PHAF1: variants seen among roughly 807,000 people sequenced by gnomAD.
The protein encoded by PHAF1 is phagosome assembly factor 1.
A neutral mutation model predicts 63.1 loss-of-function variants in PHAF1; 23 were observed. That is an observed-to-expected ratio of 0.36 (90% CI 0.26 to 0.52). The LOEUF (loss-of-function observed/expected upper bound fraction) is 0.52. Among genes scored for constraint, PHAF1 ranks in the 20% least tolerant of loss-of-function variants. The probability of loss-of-function intolerance (pLI) is 0.93; values close to 1 mark genes in which losing one functional copy is unlikely to be tolerated. For missense variants in PHAF1, 427 were observed against 517.2 expected, an observed-to-expected ratio of 0.83 and a Z score of 1.69; for synonymous variants, 167 against 185.0, an observed-to-expected ratio of 0.90 and a Z score of 0.79.
chr16:67,143,975 G>A (rs1045962402), intron 10 of PHAF1, among the ~76,000 whole-genome samples: 9 of 152,050 alleles, frequency 5.9e-5, no homozygotes, highest in African/African-American at 1.9e-4. Flanking sequence ...GGTGGTGGGC[G>A]CCTGTAATCC....
At chr16:67,131,184 T>TG (rs1963381264) in intron 3 of PHAF1, 102 bp from the exon 4 acceptor site, 2 of 480,228 alleles carry the variant, frequency 4.2e-6, no homozygotes, top group Non-Finnish European at 6.7e-6. Context: ...GTAATAGTTT[T>TG]TTTTTTTTTT....
intron 3 of PHAF1, among the ~76,000 whole-genome samples, chr16:67,128,797 C>T (rs921919443): frequency 4.6e-5 from 7 of 152,210 alleles, no homozygotes; most frequent in African/African-American, 1.7e-4. Context: ...ACTCTGGGTC[C>T]ATTGCCACAA....
chr16:67,117,900 C>G (rs1174189847), intron 1 of PHAF1, among the ~76,000 whole-genome samples: 1 of 149,934 alleles, frequency 6.7e-6, no homozygotes, highest in Non-Finnish European at 1.5e-5. Flanking sequence ...GCCATCCTTT[C>G]ACCTCAGCCT....
chr16:67,116,294 A>G (rs1009637716), intron 1 of PHAF1, among the ~76,000 whole-genome samples: 1 of 152,226 alleles, frequency 6.6e-6, no homozygotes, highest in Non-Finnish European at 1.5e-5. Flanking sequence ...ATTGCCTTCA[A>G]CTTTCTTCAG....
At chr16:67,126,315 A>G (rs1330123482) in intron 3 of PHAF1, among the ~76,000 whole-genome samples, 2 of 152,112 alleles carry the variant, frequency 1.3e-5, no homozygotes, top group East Asian at 1.9e-4. Context: ...GATTTGGGAA[A>G]CATGCTGTGG....
chr16:67,130,346 C>CTTTT (rs34430310), intron 3 of PHAF1, among the ~76,000 whole-genome samples: 26 of 74,988 alleles, frequency 3.5e-4, no homozygotes, highest in South Asian at 9.0e-4. Flanking sequence ...CGTGCCCGGC[C>CTTTT]TTTTTTTTTT....
At chr16:67,116,721 A>T (rs1341182953) in intron 1 of PHAF1, among the ~76,000 whole-genome samples, 1 of 152,166 alleles carries the variant, frequency 6.6e-6, no homozygotes, top group Admixed American at 6.5e-5. Flanking sequence ...GTGGTGGCAC[A>T]TGCCTGTAGT....
chr16:67,145,309 A>G, intron 12 of PHAF1, 67 bp from the exon 13 acceptor site: 1 of 1,577,882 alleles, frequency 6.3e-7, no homozygotes, highest in African/African-American at 1.4e-5. Flanking sequence ...TCTGGTTCCT[A>G]CCTAGGGCTG....
chr16:67,123,252 CAGGT>C (rs1963056751), intron 2 of PHAF1, among the ~76,000 whole-genome samples: 1 of 151,678 alleles, frequency 6.6e-6, no homozygotes. Flanking sequence ...GCTGGGACCA[CAGGT>C]GTATGCCACC....
At chr16:67,120,678 A>G (rs1962936050) in intron 2 of PHAF1, among the ~76,000 whole-genome samples, 1 of 151,446 alleles carries the variant, frequency 6.6e-6, no homozygotes, top group Non-Finnish European at 1.5e-5. Flanking sequence ...CCCACCACTG[A>G]ATTCTCTGAA....
At chr16:67,122,791 C>T (rs534792763) in intron 2 of PHAF1, among the ~76,000 whole-genome samples, 1 of 152,088 alleles carries the variant, frequency 6.6e-6, no homozygotes, top group Non-Finnish European at 1.5e-5. Flanking sequence ...TACAGTGGCA[C>T]GATCTTGGCT....
At chr16:67,118,163 TG>T (rs1962821450) in intron 1 of PHAF1, among the ~76,000 whole-genome samples, 1 of 141,464 alleles carries the variant, frequency 7.1e-6, no homozygotes, top group African/African-American at 2.6e-5. Context: ...TTAGTAGAGA[TG>T]GGCTTTCACC....
intron 5 of PHAF1, 98 bp from the exon 6 acceptor site, chr16:67,132,719 A>C (rs752473664): frequency 8.1e-7 from 1 of 1,233,912 alleles, no homozygotes; most frequent in Non-Finnish European, 1.2e-6. Flanking sequence ...AGCCACAGGG[A>C]AGGTGTTGTC....
chr16:67,126,594 G>GTTT (rs201265915), intron 3 of PHAF1, among the ~76,000 whole-genome samples: 14 of 144,232 alleles, frequency 9.7e-5, no homozygotes, highest in East Asian at 2.0e-4. Flanking sequence ...TTTTGTTTTT[G>GTTT]GTTTTTTTTT....
chr16:67,128,894 G>A (rs143573543), intron 3 of PHAF1, among the ~76,000 whole-genome samples: 22 of 152,336 alleles, frequency 1.4e-4, no homozygotes, highest in African/African-American at 4.3e-4. Context: ...TGTTGGACCC[G>A]TATAGCTGTT....
intron 15 of PHAF1, 118 bp downstream of exon 15, chr16:67,146,468 C>A: frequency 9.4e-7 from 1 of 1,058,612 alleles, no homozygotes; most frequent in Non-Finnish European, 1.5e-6. Flanking sequence ...CAGATTCATC[C>A]TTCTTCAGCA....
At chr16:67,145,732 T>G (rs2030001129) in intron 14 of PHAF1, 104 bp downstream of exon 14, 2 of 1,221,628 alleles carry the variant, frequency 1.6e-6, no homozygotes, top group African/African-American at 3.1e-5. Context: ...ATTACAGAAG[T>G]TTCTGATATT....
At chr16:67,122,337 CACTGT>C (rs1264229241) in intron 2 of PHAF1, among the ~76,000 whole-genome samples, 1 of 152,134 alleles carries the variant, frequency 6.6e-6, no homozygotes, top group Non-Finnish European at 1.5e-5. Context: ...TTTGACCAGG[CACTGT>C]GGCTCACACC....
rs2030166000 is a variant in PHAF1, at chr16:67,147,128, C to T, written c.1266C>T (p.Pro422=). Residue 422 remains proline, a synonymous_variant, in exon 16 of 16, where the codon CCC becomes CCT. Coordinates refer to ENST00000219139, the MANE Select transcript of PHAF1 (RefSeq NM_025187.5). ...PGSHLRTAEL[P] The stretch of plus-strand genomic sequence containing the variant: ...GCCACCTGAGAACAGCGGAACTCCC[C>T]TAGGGACACCACCACCCATGCCCCT... The T allele has an allele frequency of 6.2e-7, 1 of 1,609,378 alleles. No individual in the cohort carries two copies. Among genetic ancestry groups the T allele is most frequent in the South Asian group, 1.1e-5 (1 of 90,966 alleles).
Sources: gnomAD v4.1 joint callset for allele counts (sites outside exome capture counted in the v4.1 genomes callset) on GRCh38, gnomAD v4.1.1 for gene constraint, MANE v1.5 for transcripts, NCBI Gene and HGNC (gene_info 2026-07-23, HGNC 2026-07-21) for gene names.